The following PCDH11X variants were observed in gnomAD, a reference collection of about 807,000 sequenced individuals.
PCDH11X encodes the protein protocadherin-11 X-linked.
Under a neutral mutation model 53.3 loss-of-function variants are expected in PCDH11X, and 18 were observed. The ratio of observed to expected loss-of-function variants is 0.34; its 90% CI spans 0.23 to 0.50. PCDH11X has a LOEUF of 0.50. PCDH11X is among the 20% of genes least tolerant of loss of function. PCDH11X has a pLI of 0.98. For synonymous variants in PCDH11X, 279 were observed against 393.3 expected (o/e 0.71, Z 3.44); for missense variants, 570 against 1,032.4 (o/e 0.55, Z 6.14).
At chrX:92,512,490 G>A (rs1414234556) in intron 10 of PCDH11X, among the ~76,000 whole-genome samples, 1 of 111,700 alleles carries the variant, frequency 9.0e-6, no homozygotes, top group Non-Finnish European at 1.9e-5. Context: ...CTGGGTTTAT[G>A]AAATATGAAA....
chrX:92,597,481 G>T (rs1188078041), intron 10 of PCDH11X, among the ~76,000 whole-genome samples: 1 of 110,897 alleles, frequency 9.0e-6, no homozygotes, highest in African/African-American at 3.3e-5. Flanking sequence ...AGAAGTAAAA[G>T]ATCGCTATAA....
chrX:92,114,508 T>G, intron 6 of PCDH11X: 3 of 461,493 alleles, frequency 6.5e-6, no homozygotes, highest in Non-Finnish European at 1.1e-5. Flanking sequence ...ATTGTGGCTT[T>G]GATTCTGTTG....
chrX:92,172,566 T>A (rs1457950234), intron 6 of PCDH11X, among the ~76,000 whole-genome samples: 1 of 108,939 alleles, frequency 9.2e-6, no homozygotes, highest in East Asian at 2.9e-4. Flanking sequence ...GTTAACAAAT[T>A]TTTTTTTGAC....
At chrX:92,245,586 A>G (rs563799954) in intron 7 of PCDH11X, among the ~76,000 whole-genome samples, 2 of 112,343 alleles carry the variant, frequency 1.8e-5, no homozygotes, top group African/African-American at 6.5e-5. Context: ...CTTAAAAGCT[A>G]GCCTGGTGAA....
chrX:92,103,718 G>T (rs1277617921), intron 6 of PCDH11X, among the ~76,000 whole-genome samples: 1 of 112,354 alleles, frequency 8.9e-6, no homozygotes, highest in East Asian at 2.8e-4. Context: ...GGGGGAGAAG[G>T]TTCTGGAGGA....
chrX:91,820,891 G>A (rs1184200516), intron 4 of PCDH11X, among the ~76,000 whole-genome samples: 1 of 106,224 alleles, frequency 9.4e-6, no homozygotes, highest in South Asian at 4.0e-4. Flanking sequence ...TTCTACATAT[G>A]GCTAGCCAGT....
intron 6 of PCDH11X, among the ~76,000 whole-genome samples, chrX:91,906,338 A>G (rs1941154763): frequency 9.0e-6 from 1 of 110,556 alleles, no homozygotes. Flanking sequence ...AGAGTACAGA[A>G]GACTTCACCT....
At chrX:92,543,332 C>T (rs1310712597) in intron 10 of PCDH11X, among the ~76,000 whole-genome samples, 6 of 107,633 alleles carry the variant, frequency 5.6e-5, no homozygotes, top group Non-Finnish European at 1.2e-4. Flanking sequence ...CAAAATATCA[C>T]AGTAACATAG....
chrX:92,387,566 G>C (rs2148572891), intron 8 of PCDH11X, 169 bp from the exon 9 acceptor site: 1 of 627,051 alleles, frequency 1.6e-6, no homozygotes, highest in African/African-American at 2.4e-5. Flanking sequence ...GGTGAAGAAG[G>C]TTTGAACACA....
chrX:92,221,221 A>G (rs908151716), intron 7 of PCDH11X, among the ~76,000 whole-genome samples: 1 of 10,660 alleles, frequency 9.4e-5, no homozygotes, highest in Admixed American at 6.2e-4. Flanking sequence ...AATAAATAAA[A>G]ATAAATAAAA....
intron 7 of PCDH11X, among the ~76,000 whole-genome samples, chrX:92,261,914 T>C (rs1443886280): frequency 2.7e-5 from 3 of 111,462 alleles, no homozygotes; most frequent in Admixed American, 9.6e-5. Context: ...AATTCTATCA[T>C]TGAGCCATTG....
intron 6 of PCDH11X, among the ~76,000 whole-genome samples, chrX:92,055,830 T>G (rs2063440711): frequency 9.0e-6 from 1 of 111,121 alleles, no homozygotes; most frequent in Non-Finnish European, 1.9e-5. Flanking sequence ...CGTTTGTTAG[T>G]TTGCTAAGGA....
chrX:92,489,164 AT>A, intron 10 of PCDH11X, among the ~76,000 whole-genome samples: 1 of 110,092 alleles, frequency 9.1e-6, no homozygotes, highest in African/African-American at 3.3e-5. Context: ...ATAGAATGGC[AT>A]TTTTTAAAGT....
At chrX:92,468,183 G>A (rs1229629346) in intron 9 of PCDH11X, 116 bp from the exon 10 acceptor site, 3 of 911,158 alleles carry the variant, frequency 3.3e-6, no homozygotes, top group Non-Finnish European at 4.3e-6. Context: ...GTAAAGTGAA[G>A]TAGAAAATAT....
chrX:92,094,725 C>G (rs929766682), intron 6 of PCDH11X, among the ~76,000 whole-genome samples: 17 of 111,718 alleles, frequency 1.5e-4, no homozygotes, highest in African/African-American at 3.9e-4. Context: ...ATTTTAACAA[C>G]AGAATTCACT....
intron 7 of PCDH11X, among the ~76,000 whole-genome samples, chrX:92,246,715 T>C (rs1415400563): frequency 8.9e-6 from 1 of 111,828 alleles, no homozygotes; most frequent in Non-Finnish European, 1.9e-5. Context: ...AAATCTCTGT[T>C]TCTCATTTTT....
chrX:91,832,021 T>C (rs1442577172), intron 4 of PCDH11X, among the ~76,000 whole-genome samples: 3 of 110,808 alleles, frequency 2.7e-5, no homozygotes, highest in African/African-American at 9.8e-5. Flanking sequence ...CTGAATGAAT[T>C]TCCAGTTATG....
intron 6 of PCDH11X, among the ~76,000 whole-genome samples, chrX:91,964,607 C>T (rs1337200901): frequency 8.9e-6 from 1 of 112,499 alleles, no homozygotes; most frequent in Non-Finnish European, 1.9e-5. Flanking sequence ...TATTGAGCAT[C>T]ACAGTCTTTG....
intron 6 of PCDH11X, among the ~76,000 whole-genome samples, chrX:91,944,491 A>C (rs1368214838): frequency 2.9e-5 from 3 of 102,572 alleles, no homozygotes; most frequent in African/African-American, 1.1e-4. Context: ...TACATGAAGA[A>C]AGTAACTTTC....
Sources: gnomAD v4.1 joint callset for allele counts (sites outside exome capture counted in the v4.1 genomes callset) on GRCh38, gnomAD v4.1.1 for gene constraint, MANE v1.5 for transcripts, NCBI Gene and HGNC (gene_info 2026-07-23, HGNC 2026-07-21) for gene names.